Variants in SLC25A12 observed in about 807,000 individuals in gnomAD.
SLC25A12 encodes the protein electrogenic aspartate/glutamate antiporter SLC25A12, mitochondrial.
Under a neutral mutation model 83.3 loss-of-function variants are expected in SLC25A12, and 32 were observed. The ratio of observed to expected loss-of-function variants is 0.38; its 90% CI spans 0.29 to 0.52. The LOEUF (loss-of-function observed/expected upper bound fraction) is 0.52, where lower values mean the gene tolerates loss of function less well. Among genes scored for constraint, SLC25A12 ranks in the 20% least tolerant of loss-of-function variants. SLC25A12 has a pLI of 0.84. For missense variants in SLC25A12, 611 were observed against 835.6 expected (o/e 0.73, Z 3.31); for synonymous variants, 267 against 291.1 (o/e 0.92, Z 0.84).
intron 8 of SLC25A12, among the ~76,000 whole-genome samples, chr2:171,830,571 T>C (rs1684410900): frequency 6.6e-6 from 1 of 152,164 alleles, no homozygotes; most frequent in African/African-American, 2.4e-5. Flanking sequence ...TGGAATGCAA[T>C]GGCACAATCT....
intron 3 of SLC25A12, among the ~76,000 whole-genome samples, chr2:171,865,462 A>G (rs1362541090): frequency 6.6e-6 from 1 of 152,104 alleles, no homozygotes; most frequent in Non-Finnish European, 1.5e-5. Flanking sequence ...GGAGTTCGAG[A>G]TCAGCCTGGC....
chr2:171,868,891 T>A (rs996126089), intron 2 of SLC25A12, 68 bp from the exon 3 acceptor site: 2 of 1,360,412 alleles, frequency 1.5e-6, no homozygotes, highest in African/African-American at 2.9e-5. Context: ...AATAAATGGT[T>A]TGTGAAAAGG....
chr2:171,818,489 G>T (rs1684103437), intron 9 of SLC25A12, among the ~76,000 whole-genome samples: 1 of 151,428 alleles, frequency 6.6e-6, no homozygotes, highest in African/African-American at 2.4e-5. Flanking sequence ...GTGAGAATTA[G>T]GTCTAGTGAT....
intron 2 of SLC25A12, among the ~76,000 whole-genome samples, chr2:171,883,907 C>T (rs1437831954): frequency 6.6e-6 from 1 of 152,134 alleles, no homozygotes; most frequent in African/African-American, 2.4e-5. Context: ...ATCACCCAGG[C>T]TGGAGTGCAG....
At chr2:171,828,298 C>T (rs1341580952) in intron 8 of SLC25A12, among the ~76,000 whole-genome samples, 1 of 152,204 alleles carries the variant, frequency 6.6e-6, no homozygotes, top group Non-Finnish European at 1.5e-5. Flanking sequence ...CTAATCCCTA[C>T]ATGTGACGAA....
chr2:171,828,305 C>T (rs1013816442), intron 8 of SLC25A12, among the ~76,000 whole-genome samples: 5 of 152,184 alleles, frequency 3.3e-5, no homozygotes, highest in East Asian at 1.9e-4. Context: ...CTACATGTGA[C>T]GAAATTGGCA....
chr2:171,819,964 C>G (rs1437669712), intron 9 of SLC25A12, among the ~76,000 whole-genome samples: 1 of 152,166 alleles, frequency 6.6e-6, no homozygotes, highest in Admixed American at 6.5e-5. Flanking sequence ...CAAACTAACA[C>G]AGGAACAGAA....
intron 2 of SLC25A12, among the ~76,000 whole-genome samples, chr2:171,877,224 T>C (rs1685591357): frequency 6.6e-6 from 1 of 152,210 alleles, no homozygotes; most frequent in South Asian, 2.1e-4. Context: ...GAACTATCTC[T>C]AGCTCCAAAT....
Position 171,791,535 on chromosome 2 carries a change from C to A in SLC25A12, c.1501G>T (p.Val501Phe), listed in dbSNP as rs1283181202. The A allele has an allele frequency of 1.9e-6, 3 of 1,613,530 alleles. No homozygotes were observed. The highest frequency in any genetic ancestry group is 2.5e-6 in the Non-Finnish European group (3 of 1,179,680). The change falls in exon 15 of 18, where the codon GTT becomes TTT. Residue 501 changes from valine (V) to phenylalanine (F), a missense_variant. By Grantham distance (50) the Val-to-Phe change is conservative. Transcript: ENST00000422440. ...DIPFSAIYFP[V>F]YAHCKLLLAD... ...AGAAGTAGTTTGCAATGAGCATAAACAGGAAAATAGATTGCAGAGAAGGGA... is the reference window on the plus strand; with the variant it reads ...AGAAGTAGTTTGCAATGAGCATAAAAAGGAAAATAGATTGCAGAGAAGGGA...
intron 3 of SLC25A12, among the ~76,000 whole-genome samples, chr2:171,857,993 C>G (rs572561487): frequency 2.0e-5 from 3 of 152,068 alleles, no homozygotes; most frequent in African/African-American, 7.2e-5. Flanking sequence ...TCCTATTATA[C>G]TCAAGGTTAT....
intron 3 of SLC25A12, among the ~76,000 whole-genome samples, chr2:171,860,531 G>C (rs1201248902): frequency 7.9e-5 from 12 of 152,112 alleles, no homozygotes. Flanking sequence ...GAACCCGCGA[G>C]GTAGAGGTTG....
rs186284754 is a variant in SLC25A12 at position 171,892,455 on chromosome 2, G to C, written c.66+750C>G. Among the ~76,000 whole-genome samples, 885 of 152,210 alleles carry C rather than the reference G, an allele frequency of 5.8e-3. 6 individuals carry two copies. Among genetic ancestry groups the C allele is most frequent in the African/African-American group, 0.018 (750 of 41,528 alleles). On this transcript the variant is annotated intron_variant, in intron 2 of 17. Transcript: ENST00000422440. ...TTAGCCAGGATGGTCTCGATCTCCT[G>C]ACCTCATGGTCCACCCGCCTCGGCC... is the stretch of plus-strand genomic sequence containing the variant.
At chr2:171,824,612 G>T (rs141637246) in intron 9 of SLC25A12, among the ~76,000 whole-genome samples, 151 of 151,960 alleles carry the variant, frequency 9.9e-4, no homozygotes, top group Middle Eastern at 3.4e-3. Flanking sequence ...CAGATGTATA[G>T]GCTACAAAAA....
intron 4 of SLC25A12, chr2:171,848,272 T>C: frequency 2.1e-6 from 1 of 471,050 alleles, no homozygotes; most frequent in South Asian, 1.5e-5. Context: ...GCCAGAGAAC[T>C]CCTCCTGTAG....
At chr2:171,826,271 A>G (rs559671713) in intron 9 of SLC25A12, among the ~76,000 whole-genome samples, 3 of 152,360 alleles carry the variant, frequency 2.0e-5, no homozygotes, top group East Asian at 3.9e-4. Flanking sequence ...TATCTGAACA[A>G]AACAAAAAAC....
chr2:171,853,007 G>C lies in SLC25A12; in HGVS notation c.325+2827C>G, dbSNP rs141555711. Among the ~76,000 whole-genome samples the C allele has an allele frequency of 3.2e-3, 489 of 152,142 alleles. 1 individual carries two copies. The highest frequency in any genetic ancestry group is 0.011 in the African/African-American group (454 of 41,492). On this transcript the variant is annotated intron_variant, in intron 4 of 17. Transcript: ENST00000422440. ...GCCAGGGAATCCAGAACAGAAACAGGGTACAGCTTTTAAAAAATGTTTTAA... is the reference window on the plus strand; with the variant it reads ...GCCAGGGAATCCAGAACAGAAACAGCGTACAGCTTTTAAAAAATGTTTTAA...
intron 8 of SLC25A12, among the ~76,000 whole-genome samples, 171 bp downstream of exon 8, chr2:171,833,792 T>C (rs1172263919): frequency 1.3e-5 from 2 of 152,024 alleles, no homozygotes; most frequent in Non-Finnish European, 2.9e-5. Flanking sequence ...CCTGTGTTTC[T>C]TTCCTCTCCT....
chr2:171,805,563 A>G (rs1230433337), intron 13 of SLC25A12, among the ~76,000 whole-genome samples: 1 of 152,216 alleles, frequency 6.6e-6, no homozygotes, highest in Non-Finnish European at 1.5e-5. Flanking sequence ...ATATTTACTA[A>G]GTCAAAATTT....
chr2:171,834,972 A>C, intron 6 of SLC25A12, 107 bp from the exon 7 acceptor site: 5 of 1,168,626 alleles, frequency 4.3e-6, no homozygotes, highest in Non-Finnish European at 5.0e-6. Context: ...TCACTGTTAA[A>C]ATGATGTTAA....
Sources: allele counts gnomAD v4.1 joint callset (sites outside exome capture counted in the v4.1 genomes callset), GRCh38; gene constraint gnomAD v4.1.1; transcripts MANE v1.5; gene names NCBI Gene and HGNC (gene_info 2026-07-23, HGNC 2026-07-21).